Variants in FHAD1 observed in about 807,000 individuals in gnomAD.
The protein encoded by FHAD1 is forkhead associated phosphopeptide binding domain 1, also known as forkhead-associated domain-containing protein 1.
A neutral mutation model predicts 191.3 loss-of-function variants in FHAD1; 146 were observed. That is an observed-to-expected ratio of 0.76 (90% CI 0.67 to 0.88). The LOEUF (loss-of-function observed/expected upper bound fraction) is 0.88, where lower values mean the gene tolerates loss of function less well. Ranked by LOEUF, FHAD1 falls within the 40% of genes least tolerant of loss-of-function variation. The pLI, the probability that FHAD1 is intolerant of heterozygous loss-of-function variation, is 0.00. For missense variants in FHAD1, 1,635 were observed against 1,785.8 expected, an observed-to-expected ratio of 0.92 and a Z score of 1.52; for synonymous variants, 616 against 672.3, an observed-to-expected ratio of 0.92 and a Z score of 1.29.
Position 15,277,246 on chromosome 1 carries a change from C to T in FHAD1, c.300+4717C>T, listed in dbSNP as rs77882452. ...TGCAACCTCATGACATCCTGCCCAA[C>T]ATAAAGAGTGCCCATATGCCTGGCT... On this transcript the variant is annotated intron_variant, in intron 3 of 33. Transcript: ENST00000688493. 9.8e-5 allele frequency among the ~76,000 whole-genome samples: 15 copies of T among 152,314 alleles called. 1 individual carries two copies. In the East Asian group the frequency reaches 2.9e-3, roughly 29 times the overall value.
At chr1:15,396,219 G>C (rs540842091) in intron 33 of FHAD1, among the ~76,000 whole-genome samples, 4 of 152,120 alleles carry the variant, frequency 2.6e-5, no homozygotes, top group Non-Finnish European at 5.9e-5. Flanking sequence ...TACTCGGGAG[G>C]CTGAGGTTGG....
chr1:15,240,630 CAA>C (rs34684294), intron 1 of FHAD1, among the ~76,000 whole-genome samples: 43,626 of 109,668 alleles, frequency 0.4, 7,721 homozygotes, highest in African/African-American at 0.51. Flanking sequence ...GACCCTGTCT[CAA>C]AAAAAAAAAA....
intron 5 of FHAD1, among the ~76,000 whole-genome samples, chr1:15,298,634 T>C (rs1667674979): frequency 6.6e-6 from 1 of 152,142 alleles, no homozygotes; most frequent in African/African-American, 2.4e-5. Context: ...ATATCATGTC[T>C]ATCACTTTTT....
intron 14 of FHAD1, among the ~76,000 whole-genome samples, chr1:15,337,202 T>C (rs892312864): frequency 6.6e-6 from 1 of 152,152 alleles, no homozygotes; most frequent in East Asian, 1.9e-4. Context: ...GCATTACCGA[T>C]TGGCATGTCC....
intron 2 of FHAD1, among the ~76,000 whole-genome samples, chr1:15,261,198 C>A (rs993981726): frequency 6.6e-6 from 1 of 152,166 alleles, no homozygotes; most frequent in Non-Finnish European, 1.5e-5. Context: ...AGCAACCCTA[C>A]AAGTTAGGGA....
Position 15,278,955 on chromosome 1 carries a change from T to C in FHAD1, c.300+6426T>C, listed in dbSNP as rs1188461714. Among the ~76,000 whole-genome samples, 11 of 152,312 alleles carry C rather than the reference T, an allele frequency of 7.2e-5. No individual in the cohort carries two copies. The East Asian group carries it at 1.2e-3, about 16-fold the overall frequency. On this transcript the variant is annotated intron_variant, in intron 3 of 33. Coordinates refer to ENST00000688493, the MANE Select transcript of FHAD1 (RefSeq NM_001391957.1). ...AACTGGAAGTTTTTTTTTAAAACTT[T>C]GGAATGTTTTCCCTGGGATAACTTT...
intron 32 of FHAD1, 34 bp downstream of exon 32, chr1:15,388,165 G>A (rs910663961): frequency 8.8e-5 from 109 of 1,240,516 alleles, no homozygotes; most frequent in Non-Finnish European, 1.1e-4. Flanking sequence ...CAGACACAGA[G>A]TAGAGACAGT....
chr1:15,245,857 C>G (rs139441623), upstream of FHAD1, among the ~76,000 whole-genome samples: 1 of 152,282 alleles, frequency 6.6e-6, no homozygotes, highest in Non-Finnish European at 1.5e-5. Flanking sequence ...CCCAGAAGTC[C>G]GCATTTCTAA....
intron 25 of FHAD1, among the ~76,000 whole-genome samples, 154 bp from the exon 26 acceptor site, chr1:15,369,216 A>G (rs954235189): frequency 6.6e-6 from 1 of 152,184 alleles, no homozygotes; most frequent in Non-Finnish European, 1.5e-5. Flanking sequence ...AGTCCCCTGA[A>G]ACTGAATTCT....
At chr1:15,353,905 A>G (rs532966656) in intron 20 of FHAD1, among the ~76,000 whole-genome samples, 13 of 152,198 alleles carry the variant, frequency 8.5e-5, no homozygotes, top group Admixed American at 7.2e-4. Context: ...TGGATTTCGC[A>G]CCTGACCCTG....
chr1:15,372,250 C>T (rs952618853), intron 26 of FHAD1, among the ~76,000 whole-genome samples: 2 of 152,048 alleles, frequency 1.3e-5, no homozygotes, highest in Non-Finnish European at 1.5e-5. Context: ...GGTAGGGGAC[C>T]GTCCCAGGAG....
chr1:15,381,975 G>T lies in FHAD1; in HGVS notation c.4023-53G>T. On this transcript the variant is annotated intron_variant, in intron 30 of 33. Transcript: ENST00000688493. This position sits in a 1 kb window ranked among gnomAD's most constrained non-coding sequence, Gnocchi z 4.6. ...AGACTTCCGGGTCTGGCACATTGAT[G>T]ATGATTGGGAAAGATAAGGGAAAAA... The T allele has an allele frequency of 6.5e-7, 1 of 1,537,364 alleles. No individual in the cohort carries two copies. Among genetic ancestry groups the T allele is most frequent in the South Asian group, 1.2e-5 (1 of 82,816 alleles).
Position 15,262,865 on chromosome 1 carries a change from A to C in FHAD1, c.94-9458A>C, listed in dbSNP as rs1025841050. Among the ~76,000 whole-genome samples the C allele has an allele frequency of 3.3e-5, 5 of 152,210 alleles. 1 individual carries two copies. Among genetic ancestry groups the C allele is most frequent in the Admixed American group, 6.5e-5 (1 of 15,272 alleles). On this transcript the variant is annotated intron_variant, in intron 2 of 33. Transcript: ENST00000688493. ...GATCATATGGTAATTCTATTATTACATTTTTGAGGAACCACAATATTGTTT... is the reference window on the plus strand; with the variant it reads ...GATCATATGGTAATTCTATTATTACCTTTTTGAGGAACCACAATATTGTTT...
intron 28 of FHAD1, among the ~76,000 whole-genome samples, chr1:15,377,253 G>A (rs1019423698): frequency 1.1e-4 from 16 of 152,288 alleles, no homozygotes; most frequent in South Asian, 2.1e-4. Context: ...CCAGGAAGAG[G>A]GTCTTTGGAA....
chr1:15,243,766 A>G (rs1468011036), upstream of FHAD1, among the ~76,000 whole-genome samples: 1 of 152,236 alleles, frequency 6.6e-6, no homozygotes, highest in Non-Finnish European at 1.5e-5. Flanking sequence ...GAACCTTTGG[A>G]CAGACAAGAG....
intron 15 of FHAD1, among the ~76,000 whole-genome samples, chr1:15,341,403 C>A (rs889426699): frequency 1.5e-4 from 23 of 152,206 alleles, no homozygotes; most frequent in Non-Finnish European, 3.4e-4. Context: ...TCACACCCAC[C>A]TACCACTTAC....
chr1:15,369,426 G>T lies in FHAD1; in HGVS notation c.3371G>T (p.Arg1124Leu), dbSNP rs992220340. ...QLNTEKEQKP[R>L]KKTQTCDTSV... ...AACACAGAGAAGGAACAGAAGCCCC[G>T]GAAGAAGACCCAGACGTGTGACACC... Residue 1124 changes from arginine (R) to leucine (L), a missense_variant, in exon 26 of 34, where the codon CGG (arginine) becomes CTG (leucine). Physicochemically the swap from Arg to Leu is moderately radical, Grantham distance 102. Coordinates refer to ENST00000688493, the MANE Select transcript of FHAD1 (RefSeq NM_001391957.1). 1 of 1,551,850 alleles carries T rather than the reference G, an allele frequency of 6.4e-7. No individual in the cohort carries two copies. The highest frequency in any genetic ancestry group is 2.4e-5 in the East Asian group (1 of 40,926).
chr1:15,297,982 G>T (rs887084577), intron 5 of FHAD1, among the ~76,000 whole-genome samples: 5 of 152,062 alleles, frequency 3.3e-5, no homozygotes, highest in Non-Finnish European at 7.3e-5. Flanking sequence ...ATGCCTTAAA[G>T]AACTAAAAAC....
intron 16 of FHAD1, among the ~76,000 whole-genome samples, chr1:15,342,342 C>T (rs554423708): frequency 1.3e-5 from 2 of 152,322 alleles, no homozygotes; most frequent in South Asian, 4.1e-4. Context: ...AAGATAGCAG[C>T]ATCTCTAAAA....
Sources: allele counts gnomAD v4.1 joint callset (sites outside exome capture counted in the v4.1 genomes callset), GRCh38; gene constraint gnomAD v4.1.1; non-coding constraint Gnocchi (gnomAD v3.1); transcripts MANE v1.5; gene names NCBI Gene and HGNC (gene_info 2026-07-23, HGNC 2026-07-21).